The following FAM53A variants were observed in gnomAD, a reference collection of about 807,000 sequenced individuals.
FAM53A encodes the protein protein FAM53A.
FAM53A carries 28 observed loss-of-function variants against 26.6 expected under a neutral mutation model. That is an observed-to-expected ratio of 1.05 (90% confidence interval 0.78 to 1.45). The LOEUF is 1.45. FAM53A is among the 40% of genes most tolerant of loss of function. The probability of loss-of-function intolerance (pLI) is 0.00; values close to 1 mark genes in which losing one functional copy is unlikely to be tolerated. For synonymous variants in FAM53A, 290 were observed against 253.1 expected (o/e 1.15, Z -1.38); for missense variants, 650 against 575.8 (o/e 1.13, Z -1.32).
chr4:1,679,940 T>A (rs1715301548), intron 1 of FAM53A, among the ~76,000 whole-genome samples: 1 of 150,094 alleles, frequency 6.7e-6, no homozygotes, highest in South Asian at 2.1e-4. Flanking sequence ...GCGCAGCTAC[T>A]CGGGAGGATG....
intron 1 of FAM53A, among the ~76,000 whole-genome samples, chr4:1,679,657 G>C (rs1715276284): frequency 1.4e-5 from 2 of 146,968 alleles, no homozygotes; most frequent in Admixed American, 1.4e-4. Flanking sequence ...CTGCACTCCA[G>C]GCTAGGCAAC....
chr4:1,628,562 G>T (rs1346348156), intron 1 of FAM53A, among the ~76,000 whole-genome samples: 1 of 9,964 alleles, frequency 1.0e-4, no homozygotes, highest in Non-Finnish European at 2.1e-4. Flanking sequence ...CATGGGGGGA[G>T]GGTGGCAGGG....
the FAM53A span, among the ~76,000 whole-genome samples, chr4:1,577,735 ACT>A: frequency 3.0e-4 from 45 of 152,120 alleles, no homozygotes; most frequent in African/African-American, 9.6e-4. Flanking sequence ...GGCCTATCTG[ACT>A]CTGTACTTTT....
chr4:1,633,192 G>A (rs1350404502), intron 1 of FAM53A, among the ~76,000 whole-genome samples: 4 of 152,148 alleles, frequency 2.6e-5, no homozygotes, highest in Non-Finnish European at 5.9e-5. Context: ...ACACACGAGC[G>A]CATATCTCCC....
chr4:1,621,792 G>A (rs554780166), intron 1 of FAM53A, among the ~76,000 whole-genome samples: 9 of 152,344 alleles, frequency 5.9e-5, no homozygotes, highest in Middle Eastern at 3.4e-3. Flanking sequence ...GGCCCGTGCC[G>A]TCCCTGGCAC....
intron 1 of FAM53A, among the ~76,000 whole-genome samples, chr4:1,621,784 C>T (rs1715047614): frequency 1.3e-5 from 2 of 152,228 alleles, no homozygotes; most frequent in Non-Finnish European, 2.9e-5. Flanking sequence ...GAACGTCTGG[C>T]CCGTGCCGTC....
intron 1 of FAM53A, among the ~76,000 whole-genome samples, chr4:1,676,467 T>A (rs1457240958): frequency 1.3e-5 from 2 of 152,140 alleles, no homozygotes; most frequent in African/African-American, 2.4e-5. Flanking sequence ...GACTTCAACA[T>A]GTGACTGTTG....
downstream of FAM53A, among the ~76,000 whole-genome samples, chr4:1,635,986 G>A (rs1367246327): frequency 6.6e-6 from 1 of 151,828 alleles, no homozygotes; most frequent in East Asian, 1.9e-4. Flanking sequence ...TGGGACTACA[G>A]GCACCCGCCA....
the FAM53A span, among the ~76,000 whole-genome samples, chr4:1,607,974 T>C: frequency 1.3e-5 from 2 of 148,946 alleles, no homozygotes; most frequent in Non-Finnish European, 3.0e-5. Context: ...TAGCCGGATG[T>C]GGTAGCACGA....
rs769837911 is a variant in FAM53A at position 1,655,662 on chromosome 4, G to A, written c.198C>T (p.Gly66=). ...GGCCCGGCAGGAAGGAGAAATCAGG[G>A]CCCGTGGCTGCCTGGCTTCTGACGG... ...GPPVRSQAAT[G]PDFSFLPGLS... The change falls in exon 4 of 5, where the codon GGC becomes GGT. Residue 66 remains glycine, a synonymous_variant. Coordinates refer to ENST00000308132, the MANE Select transcript of FAM53A (RefSeq NM_001174070.3). 10 of 1,595,170 alleles carry A rather than the reference G, an allele frequency of 6.3e-6. No individual in the cohort carries two copies. In the Admixed American group the frequency reaches 1.2e-4, roughly 19 times the overall value.
intron 2 of FAM53A, among the ~76,000 whole-genome samples, chr4:1,658,186 T>C (rs976689526): frequency 6.6e-6 from 1 of 151,690 alleles, no homozygotes; most frequent in African/African-American, 2.4e-5. Flanking sequence ...AATTTTGTTT[T>C]TTTAAATATA....
chr4:1,590,989 T>TATAG, the FAM53A span, among the ~76,000 whole-genome samples: 1 of 126,848 alleles, frequency 7.9e-6, no homozygotes, highest in Non-Finnish European at 1.6e-5. Flanking sequence ...TATATATATA[T>TATAG]ATATATATAT....
chr4:1,655,580 C>T lies in FAM53A; in HGVS notation c.280G>A (p.Gly94Ser), dbSNP rs1713295693. 1 of 1,582,440 alleles carries T rather than the reference C, an allele frequency of 6.3e-7. No individual in the cohort carries two copies. Among genetic ancestry groups the T allele is most frequent in the Non-Finnish European group, 8.6e-7 (1 of 1,163,282 alleles). The change falls in exon 4 of 5, where the codon GGC (glycine) becomes AGC (serine). Residue 94 changes from glycine (G) to serine (S), a missense_variant. By Grantham distance (56) the Gly-to-Ser change is moderately conservative (BLOSUM62 0). Coordinates refer to ENST00000308132, the MANE Select transcript of FAM53A (RefSeq NM_001174070.3). ...LQWQPQSPRPGAGLGAASTVD... is the reference protein window; with the variant it reads ...LQWQPQSPRPSAGLGAASTVD... The stretch of plus-strand genomic sequence containing the variant: ...GTGCTGGCTGCACCCAGGCCTGCGC[C>T]TGGGCGCGGGGACTGTGGCTGCCAC...
chr4:1,622,352 C>A (rs903378770), intron 1 of FAM53A, among the ~76,000 whole-genome samples: 2 of 152,130 alleles, frequency 1.3e-5, no homozygotes, highest in Non-Finnish European at 2.9e-5. Context: ...GCAGGAGCCC[C>A]CCGGCTGAAG....
the FAM53A span, among the ~76,000 whole-genome samples, chr4:1,580,448 G>C: frequency 4.6e-5 from 7 of 152,298 alleles, 1 homozygote; most frequent in South Asian, 1.2e-3. Context: ...GGGCAGAACC[G>C]GACGGCGCAA....
the FAM53A span, among the ~76,000 whole-genome samples, chr4:1,606,024 C>T: frequency 6.8e-6 from 1 of 147,988 alleles, no homozygotes; most frequent in Non-Finnish European, 1.5e-5. Context: ...CAAAATGCTG[C>T]GGGTTTCCTA....
rs1044943125 is a variant in FAM53A, at chr4:1,662,255, C to T, written c.76-4787G>A. Among the ~76,000 whole-genome samples, 14 of 151,744 alleles carry T rather than the reference C, an allele frequency of 9.2e-5. No individual in the cohort carries two copies. In the East Asian group the frequency reaches 1.2e-3, roughly 13 times the overall value. ...CAGCATTTTGGGAGGCCAAGGCAGG[C>T]GGATCACAAAGTCAGGAGTTCAAGA... On this transcript the variant is annotated intron_variant, in intron 2 of 4. Transcript: ENST00000308132.
chr4:1,654,946 C>T (rs1553807089), intron 4 of FAM53A, 32 bp downstream of exon 4: 2 of 1,498,602 alleles, frequency 1.3e-6, no homozygotes, highest in Non-Finnish European at 1.8e-6. Flanking sequence ...GATCTACGCC[C>T]CTCTGAGCCC....
At chr4:1,593,807 C>A in the FAM53A span, among the ~76,000 whole-genome samples, 1 of 152,058 alleles carries the variant, frequency 6.6e-6, no homozygotes. Context: ...AGAAGACGCG[C>A]GCTCGGGTGA....
Sources: allele counts gnomAD v4.1 joint callset (sites outside exome capture counted in the v4.1 genomes callset), GRCh38; gene constraint gnomAD v4.1.1; transcripts MANE v1.5; gene names NCBI Gene and HGNC (gene_info 2026-07-23, HGNC 2026-07-21).